The following CTNNA2 variants were observed in gnomAD, a reference collection of about 807,000 sequenced individuals.
The protein encoded by CTNNA2 is catenin alpha 2, also known as catenin alpha-2.
CTNNA2 carries 42 observed loss-of-function variants against 101.0 expected under a neutral mutation model. The ratio of observed to expected loss-of-function variants is 0.42; its 90% confidence interval spans 0.32 to 0.54. CTNNA2 has a LOEUF of 0.54. Ranked by LOEUF, CTNNA2 falls within the 20% of genes least tolerant of loss-of-function variation. CTNNA2 has a pLI of 0.14. For synonymous variants in CTNNA2, 450 were observed against 456.4 expected (o/e 0.99, Z 0.18); for missense variants, 871 against 1,223.1 (o/e 0.71, Z 4.29).
At position 79,701,415 on chromosome 2, in the gene CTNNA2, T is replaced by C. The variant is rs191411951; in HGVS notation, c.103-42972T>C. On this transcript the variant is annotated intron_variant, in intron 2 of 18. Coordinates refer to ENST00000402739, the MANE Select transcript of CTNNA2 (RefSeq NM_001282597.3). The stretch of plus-strand genomic sequence containing the variant: ...AAGGCTAGTCTAACTTTCTTACCAA[T>C]GTACCTGGGTCCCCTTGTCACTGTA... Among the ~76,000 whole-genome samples the C allele has an allele frequency of 3.5e-3, 529 of 152,230 alleles. 4 individuals are homozygous for C. The highest frequency in any genetic ancestry group is 3.4e-3 in the Non-Finnish European group (232 of 67,990).
intron 4 of CTNNA2, among the ~76,000 whole-genome samples, chr2:79,454,494 A>T (rs1306630643): frequency 1.3e-5 from 2 of 152,108 alleles, no homozygotes; most frequent in Non-Finnish European, 2.9e-5. Context: ...ACATTTGGAC[A>T]CTTCCTCCTA....
chr2:79,618,194 CA>C (rs1233902515), intron 1 of CTNNA2, among the ~76,000 whole-genome samples: 1 of 152,262 alleles, frequency 6.6e-6, no homozygotes, highest in African/African-American at 2.4e-5. Context: ...CAGCAACCAA[CA>C]AAGTCTGCCA....
chr2:79,339,071 C>A (rs1481064302), intron 3 of CTNNA2, among the ~76,000 whole-genome samples: 1 of 152,124 alleles, frequency 6.6e-6, no homozygotes, highest in African/African-American at 2.4e-5. Context: ...ACTTGGAAAT[C>A]ACTCACGTGG....
chr2:79,253,568 C>T (rs1248880972), intron 2 of CTNNA2, among the ~76,000 whole-genome samples: 2 of 152,298 alleles, frequency 1.3e-5, no homozygotes, highest in Admixed American at 1.3e-4. Context: ...CAAATCGGTT[C>T]AGCAGTGTCT....
chr2:79,714,913 G>A (rs564814343), intron 2 of CTNNA2, among the ~76,000 whole-genome samples: 3 of 151,852 alleles, frequency 2.0e-5, no homozygotes, highest in Admixed American at 1.3e-4. Context: ...AGAGAAGGAC[G>A]AGCGCGGTAG....
chr2:79,510,556 T>G (rs1671513998), upstream of CTNNA2, among the ~76,000 whole-genome samples: 1 of 152,154 alleles, frequency 6.6e-6, no homozygotes, highest in South Asian at 2.1e-4. Flanking sequence ...ATAAAAGAGT[T>G]AGTAAATTCC....
At chr2:79,207,244 T>C (rs1674111228) in intron 2 of CTNNA2, among the ~76,000 whole-genome samples, 1 of 152,216 alleles carries the variant, frequency 6.6e-6, no homozygotes, top group Admixed American at 6.5e-5. Flanking sequence ...AACTGAGTAT[T>C]AATTCTGGAC....
At chr2:80,560,484 G>A (rs1428758275) in intron 12 of CTNNA2, among the ~76,000 whole-genome samples, 1 of 152,156 alleles carries the variant, frequency 6.6e-6, no homozygotes, top group African/African-American at 2.4e-5. Flanking sequence ...ATTCAAGAAT[G>A]GGTCGGTATT....
intron 7 of CTNNA2, among the ~76,000 whole-genome samples, chr2:80,356,216 A>T (rs1673780157): frequency 1.3e-5 from 2 of 152,200 alleles, no homozygotes; most frequent in African/African-American, 4.8e-5. Flanking sequence ...CTGTCTATAA[A>T]AGCCAAAAAC....
chr2:80,285,331 G>A (rs1033098990), intron 7 of CTNNA2, among the ~76,000 whole-genome samples: 3 of 152,144 alleles, frequency 2.0e-5, no homozygotes, highest in African/African-American at 7.2e-5. Flanking sequence ...CAGCAGCAGT[G>A]GCAGCAAGAA....
intron 6 of CTNNA2, among the ~76,000 whole-genome samples, chr2:79,895,968 C>T (rs1243098037): frequency 6.6e-6 from 1 of 152,114 alleles, no homozygotes; most frequent in Non-Finnish European, 1.5e-5. Context: ...GTGGCTGTCT[C>T]AGCTGGTCTC....
At chr2:79,457,372 A>T (rs1010754432) in intron 4 of CTNNA2, among the ~76,000 whole-genome samples, 1 of 152,098 alleles carries the variant, frequency 6.6e-6, no homozygotes, top group Non-Finnish European at 1.5e-5. Context: ...TAATTATTAC[A>T]TTTCTGAGGC....
intron 7 of CTNNA2, among the ~76,000 whole-genome samples, chr2:80,352,925 A>T (rs1016071709): frequency 4.6e-5 from 7 of 152,128 alleles, no homozygotes; most frequent in African/African-American, 1.4e-4. Flanking sequence ...TTTAAAAAAA[A>T]AAAATAAAGA....
At chr2:80,609,714 T>C (rs1176372174) in intron 17 of CTNNA2, among the ~76,000 whole-genome samples, 1 of 151,812 alleles carries the variant, frequency 6.6e-6, no homozygotes, top group Non-Finnish European at 1.5e-5. Context: ...AACTGAGTGC[T>C]TTTTGTTCAG....
chr2:80,421,264 A>G (rs1680504741), intron 9 of CTNNA2, among the ~76,000 whole-genome samples: 3 of 152,218 alleles, frequency 2.0e-5, no homozygotes, highest in Admixed American at 1.3e-4. Context: ...TACAACATTT[A>G]CAAGATAACT....
At chr2:80,565,866 G>A (rs939097782) in intron 12 of CTNNA2, among the ~76,000 whole-genome samples, 2 of 152,098 alleles carry the variant, frequency 1.3e-5, no homozygotes, top group Non-Finnish European at 2.9e-5. Context: ...TGTAAACCCT[G>A]AAGGGCAATG....
At chr2:79,334,523 C>T (rs2104421562) in intron 3 of CTNNA2, among the ~76,000 whole-genome samples, 2 of 151,596 alleles carry the variant, frequency 1.3e-5, no homozygotes, top group South Asian at 4.2e-4. Flanking sequence ...GGAAATAAGG[C>T]TATACAAAAA....
intron 12 of CTNNA2, among the ~76,000 whole-genome samples, chr2:80,560,559 T>C (rs1693491108): frequency 6.6e-6 from 1 of 152,192 alleles, no homozygotes; most frequent in African/African-American, 2.4e-5. Flanking sequence ...TAAGCAATTA[T>C]TGCCCATGAG....
intron 7 of CTNNA2, among the ~76,000 whole-genome samples, chr2:80,206,300 C>G (rs149784506): frequency 9.9e-5 from 15 of 152,134 alleles, no homozygotes; most frequent in Non-Finnish European, 1.5e-5. Context: ...ATCATGTAGA[C>G]CCCAAGGAAT....
Sources: allele counts gnomAD v4.1 joint callset (sites outside exome capture counted in the v4.1 genomes callset), GRCh38; gene constraint gnomAD v4.1.1; transcripts MANE v1.5; gene names NCBI Gene and HGNC (gene_info 2026-07-23, HGNC 2026-07-21).